The following GRID2 variants were observed in gnomAD, a reference collection of about 807,000 sequenced individuals.
GRID2 encodes glutamate ionotropic receptor delta type subunit 2.
Under a neutral mutation model 114.8 loss-of-function variants are expected in GRID2, and 33 were observed. That is an observed-to-expected ratio of 0.29 (90% CI 0.22 to 0.38). GRID2 has a LOEUF of 0.38. Ranked by LOEUF, GRID2 falls within the 10% of genes least tolerant of loss-of-function variation. The pLI, the probability that GRID2 is intolerant of heterozygous loss-of-function variation, is 1.00. For synonymous variants in GRID2, 505 were observed against 449.9 expected (o/e 1.12, Z -1.55); for missense variants, 1,184 against 1,257.7 (o/e 0.94, Z 0.89).
intron 2 of GRID2, among the ~76,000 whole-genome samples, chr4:92,785,038 A>G (rs886295342): frequency 6.7e-6 from 1 of 149,816 alleles, no homozygotes; most frequent in African/African-American, 2.4e-5. Flanking sequence ...AAAATTTTCC[A>G]CTTTAATTCC....
At chr4:93,128,384 T>C (rs1734495674) in intron 4 of GRID2, among the ~76,000 whole-genome samples, 1 of 152,150 alleles carries the variant, frequency 6.6e-6, no homozygotes, top group African/African-American at 2.4e-5. Flanking sequence ...GAAATCTAGG[T>C]TGAATAAATA....
Position 93,054,667 on chromosome 4 carries a change from T to C in GRID2, c.245-30328T>C, listed in dbSNP as rs1329792636. Among the ~76,000 whole-genome samples the C allele has an allele frequency of 1.2e-4, 18 of 152,034 alleles. No individual in the cohort carries two copies. In the East Asian group the frequency reaches 2.9e-3, roughly 24 times the overall value. On this transcript the variant is annotated intron_variant, in intron 2 of 15. Coordinates refer to ENST00000282020, the MANE Select transcript of GRID2 (RefSeq NM_001510.4). ...TATAATGTTACCACCTCTTCCCTGC[T>C]TTGGTAGAGTCTCTTCAATATTAGC...
At chr4:92,689,782 G>A (rs1467886079) in intron 2 of GRID2, among the ~76,000 whole-genome samples, 1 of 152,188 alleles carries the variant, frequency 6.6e-6, no homozygotes, top group Non-Finnish European at 1.5e-5. Context: ...AGCATGTGCT[G>A]TTTCACCTTG....
intron 2 of GRID2, among the ~76,000 whole-genome samples, chr4:92,923,658 A>G (rs79144278): frequency 1.3e-5 from 2 of 152,224 alleles, no homozygotes; most frequent in South Asian, 2.1e-4. Flanking sequence ...GAGTAGATAC[A>G]TTATACACAT....
intron 13 of GRID2, among the ~76,000 whole-genome samples, chr4:93,623,121 G>A (rs935130382): frequency 6.6e-6 from 1 of 151,898 alleles, no homozygotes; most frequent in Non-Finnish European, 1.5e-5. Flanking sequence ...TTTTTTTAAA[G>A]AGAGGTAAAA....
intron 1 of GRID2, among the ~76,000 whole-genome samples, chr4:92,579,094 C>T (rs1177517514): frequency 6.6e-6 from 1 of 151,970 alleles, no homozygotes; most frequent in Non-Finnish European, 1.5e-5. Context: ...TTATGTTTCC[C>T]TTATGTACTT....
intron 2 of GRID2, among the ~76,000 whole-genome samples, chr4:92,921,160 A>T (rs1023860957): frequency 2.0e-5 from 3 of 151,816 alleles, no homozygotes; most frequent in Non-Finnish European, 2.9e-5. Flanking sequence ...AGGCTTGTAC[A>T]TTCATCATGT....
At chr4:93,304,694 G>GA (rs923858899) in intron 8 of GRID2, among the ~76,000 whole-genome samples, 9 of 151,190 alleles carry the variant, frequency 6.0e-5, no homozygotes, top group Admixed American at 1.3e-4. Flanking sequence ...GACACCAGTA[G>GA]AAAAAAAAAT....
intron 8 of GRID2, among the ~76,000 whole-genome samples, chr4:93,334,038 T>C (rs953493326): frequency 6.6e-6 from 1 of 152,198 alleles, no homozygotes; most frequent in Non-Finnish European, 1.5e-5. Flanking sequence ...GAATAAGAGA[T>C]AATCAAAGGA....
intron 2 of GRID2, among the ~76,000 whole-genome samples, chr4:92,853,189 C>G (rs116553714): frequency 2.0e-5 from 3 of 151,686 alleles, no homozygotes; most frequent in East Asian, 1.9e-4. Context: ...ATCTGTAACA[C>G]GACCATCACA....
chr4:93,348,920 G>C (rs1208299098), intron 8 of GRID2, among the ~76,000 whole-genome samples: 1 of 152,104 alleles, frequency 6.6e-6, no homozygotes, highest in Non-Finnish European at 1.5e-5. Context: ...GACAATAATG[G>C]GTACTCAGCA....
intron 1 of GRID2, among the ~76,000 whole-genome samples, chr4:92,419,493 A>C (rs185541309): frequency 6.6e-6 from 1 of 152,300 alleles, no homozygotes; most frequent in Admixed American, 6.5e-5. Context: ...TTTAAACAAC[A>C]TGAACATTAT....
At chr4:92,733,941 T>A (rs1011521173) in intron 2 of GRID2, among the ~76,000 whole-genome samples, 1 of 152,018 alleles carries the variant, frequency 6.6e-6, no homozygotes, top group Non-Finnish European at 1.5e-5. Context: ...GGGATCAAAA[T>A]TTCTCCAACT....
intron 2 of GRID2, among the ~76,000 whole-genome samples, chr4:92,858,470 A>G (rs996760060): frequency 1.3e-5 from 2 of 152,214 alleles, no homozygotes; most frequent in African/African-American, 4.8e-5. Context: ...TGGATTTGCA[A>G]GAGAATTAGA....
chr4:93,498,297 G>T (rs191743009), intron 12 of GRID2, among the ~76,000 whole-genome samples: 28 of 151,694 alleles, frequency 1.8e-4, no homozygotes, highest in Non-Finnish European at 3.7e-4. Flanking sequence ...CAGAAAAGAT[G>T]GAAGGTCAAA....
chr4:92,990,135 T>C (rs1006009353), intron 2 of GRID2, among the ~76,000 whole-genome samples: 3 of 151,694 alleles, frequency 2.0e-5, no homozygotes, highest in African/African-American at 7.3e-5. Flanking sequence ...GTAACCTTCT[T>C]TATGTTGGTG....
At chr4:92,818,763 T>C (rs940961189) in intron 2 of GRID2, among the ~76,000 whole-genome samples, 1 of 152,122 alleles carries the variant, frequency 6.6e-6, no homozygotes, top group African/African-American at 2.4e-5. Flanking sequence ...ACATGAAGTT[T>C]ATATCAGACA....
intron 2 of GRID2, among the ~76,000 whole-genome samples, chr4:92,669,828 C>T (rs1000987284): frequency 2.0e-5 from 3 of 151,918 alleles, no homozygotes; most frequent in Admixed American, 6.6e-5. Context: ...AAAATCTTAT[C>T]GTAAGCCAAG....
At chr4:93,574,428 C>G (rs571145586) in intron 13 of GRID2, among the ~76,000 whole-genome samples, 10 of 152,202 alleles carry the variant, frequency 6.6e-5, no homozygotes, top group African/African-American at 2.4e-4. Flanking sequence ...TAAAGACACC[C>G]AAGACTGGGC....
Sources: allele counts gnomAD v4.1 joint callset (sites outside exome capture counted in the v4.1 genomes callset), GRCh38; gene constraint gnomAD v4.1.1; transcripts MANE v1.5; gene names NCBI Gene and HGNC (gene_info 2026-07-23, HGNC 2026-07-21).